The following SNX25 variants were observed in gnomAD, a reference collection of about 807,000 sequenced individuals.
SNX25 encodes sorting nexin 25, also known as sorting nexin-25.
A neutral mutation model predicts 113.7 loss-of-function variants in SNX25; 62 were observed. The observed-to-expected ratio is 0.55, with a 90% CI of 0.44 to 0.67. The LOEUF (loss-of-function observed/expected upper bound fraction) is 0.67. SNX25 is among the 30% of genes least tolerant of loss of function. SNX25 has a pLI of 0.00. For missense variants in SNX25, 1,014 were observed against 1,161.0 expected (o/e 0.87, Z 1.84); for synonymous variants, 421 against 436.2 (o/e 0.97, Z 0.43).
chr4:185,268,706 T>C (rs776784003), intron 5 of SNX25, among the ~76,000 whole-genome samples: 45 of 152,204 alleles, frequency 3.0e-4, no homozygotes, highest in Non-Finnish European at 4.7e-4. Context: ...TCATGCTGTT[T>C]AATTTTCTGA....
At chr4:185,256,318 T>G (rs1283714335) in intron 2 of SNX25, among the ~76,000 whole-genome samples, 1 of 152,214 alleles carries the variant, frequency 6.6e-6, no homozygotes, top group African/African-American at 2.4e-5. Flanking sequence ...TGTCATTGTT[T>G]GTGAACAAAA....
intron 1 of SNX25, among the ~76,000 whole-genome samples, chr4:185,224,442 T>A (rs1421606202): frequency 1.2e-4 from 8 of 66,086 alleles, no homozygotes; most frequent in African/African-American, 4.8e-4. Flanking sequence ...TATATAGATA[T>A]ATAAATATAT....
At chr4:185,255,952 G>A (rs1162404246) in intron 2 of SNX25, among the ~76,000 whole-genome samples, 1 of 152,192 alleles carries the variant, frequency 6.6e-6, no homozygotes, top group East Asian at 1.9e-4. Flanking sequence ...TAATGGAATA[G>A]TACCATTAGG....
intron 1 of SNX25, among the ~76,000 whole-genome samples, chr4:185,223,987 C>A (rs1418644587): frequency 6.6e-6 from 1 of 152,168 alleles, no homozygotes; most frequent in Non-Finnish European, 1.5e-5. Flanking sequence ...CTTCACTTTA[C>A]CAGTTTCCAC....
intron 9 of SNX25, among the ~76,000 whole-genome samples, chr4:185,331,435 A>G (rs966622179): frequency 6.6e-6 from 1 of 152,226 alleles, no homozygotes; most frequent in Non-Finnish European, 1.5e-5. Context: ...AAATGAATAC[A>G]AAGTATGAAA....
At chr4:185,225,946 C>T (rs961949954) in intron 1 of SNX25, among the ~76,000 whole-genome samples, 3 of 152,174 alleles carry the variant, frequency 2.0e-5, no homozygotes, top group African/African-American at 7.2e-5. Context: ...TGGCCTGATT[C>T]AGATTTAAAA....
At chr4:185,307,789 T>G (rs1459797259) in intron 6 of SNX25, among the ~76,000 whole-genome samples, 1 of 152,166 alleles carries the variant, frequency 6.6e-6, no homozygotes, top group African/African-American at 2.4e-5. Flanking sequence ...ATTTATTTAT[T>G]TTGCTCTGCT....
chr4:185,326,427 A>G (rs923182230), intron 9 of SNX25, among the ~76,000 whole-genome samples: 2 of 152,186 alleles, frequency 1.3e-5, no homozygotes, highest in Non-Finnish European at 2.9e-5. Flanking sequence ...CACCTTCTAA[A>G]GAGGACCAAA....
chr4:185,257,937 A>G (rs1475358245), intron 2 of SNX25, among the ~76,000 whole-genome samples: 2 of 152,220 alleles, frequency 1.3e-5, no homozygotes, highest in Non-Finnish European at 2.9e-5. Flanking sequence ...GACAGAAACC[A>G]CACTGTAATT....
chr4:185,238,147 G>T (rs1398341896), intron 1 of SNX25, among the ~76,000 whole-genome samples: 1 of 151,402 alleles, frequency 6.6e-6, no homozygotes, highest in Non-Finnish European at 1.5e-5. Flanking sequence ...TCCTTGTCAG[G>T]CCCCTATCAT....
intron 5 of SNX25, among the ~76,000 whole-genome samples, chr4:185,277,150 G>A (rs781467131): frequency 2.0e-5 from 3 of 152,040 alleles, no homozygotes; most frequent in Admixed American, 6.6e-5. Flanking sequence ...TCAGCCTCCC[G>A]AGTAGCTGGG....
chr4:185,362,039 A>G lies in SNX25; in HGVS notation c.2767A>G (p.Arg923Gly), dbSNP rs141889307. The G allele has an allele frequency of 7.7e-5, 125 of 1,614,142 alleles. No individual in the cohort carries two copies. The highest frequency in any genetic ancestry group is 9.2e-5 in the Non-Finnish European group (109 of 1,179,990). Residue 923 changes from arginine to glycine, a missense_variant, in exon 17 of 19, where the codon AGA becomes GGA. Coordinates refer to ENST00000652585, the MANE Select transcript of SNX25 (RefSeq NM_001378034.2). ...NGKLAPPTTI[R>G]SKEQSQETKQ... The stretch of plus-strand genomic sequence containing the variant: ...GAAGTTGGCACCACCGACCACAATC[A>G]GAAGCAAAGAGCAAAGTCAGGAAAC...
At chr4:185,356,002 G>A (rs1206133541) in intron 15 of SNX25, among the ~76,000 whole-genome samples, 2 of 152,212 alleles carry the variant, frequency 1.3e-5, no homozygotes, top group African/African-American at 4.8e-5. Flanking sequence ...GAACATATTC[G>A]GTTTTGCTAG....
At position 185,209,978 on chromosome 4, in the gene SNX25, C is replaced by T. The variant is rs1737476337; in HGVS notation, c.152C>T (p.Ala51Val). 2 of 983,476 alleles carry T rather than the reference C, an allele frequency of 2.0e-6. No homozygotes were observed. The highest frequency in any genetic ancestry group is 3.5e-5 in the African/African-American group (2 of 56,996). 60.9% of individuals were successfully genotyped at this position (983,476 alleles called of 1,614,324 possible). A position where few individuals can be genotyped will look rare whatever the true frequency, so the allele number is the denominator to read the frequency against. Reference protein sequence around the residue: ...AEAAAAAAPGAPGGRSWWKPV... With the variant: ...AEAAAAAAPGVPGGRSWWKPV... ...GCAGCAGCAGCGGCGGCGCCGGGGG[C>T]CCCGGGCGGCCGGAGCTGGTGGAAG... Residue 51 changes from alanine to valine, a missense_variant, in exon 1 of 19, where the codon GCC (alanine) becomes GTC (valine). By Grantham distance (64) the Ala-to-Val change is moderately conservative. Coordinates refer to ENST00000652585, the MANE Select transcript of SNX25 (RefSeq NM_001378034.2). The surrounding 1 kb of genome is among the most constrained non-coding windows in gnomAD (Gnocchi z 5.2).
At chr4:185,349,024 A>T (rs543073195) in intron 13 of SNX25, among the ~76,000 whole-genome samples, 2 of 152,134 alleles carry the variant, frequency 1.3e-5, no homozygotes, top group African/African-American at 4.8e-5. Context: ...TGTTGTTGCA[A>T]TTGACAGGAT....
chr4:185,372,553 G>C (rs1479024008), downstream of SNX25, among the ~76,000 whole-genome samples: 4 of 152,194 alleles, frequency 2.6e-5, no homozygotes. Flanking sequence ...TACTGCTATG[G>C]TTTGACTAGT....
chr4:185,218,188 G>A (rs948415026), intron 1 of SNX25, among the ~76,000 whole-genome samples: 1 of 152,180 alleles, frequency 6.6e-6, no homozygotes, highest in African/African-American at 2.4e-5. Flanking sequence ...GGGTTCAAGT[G>A]ATTCTCCTGC....
intron 2 of SNX25, among the ~76,000 whole-genome samples, chr4:185,252,871 A>G (rs1200340242): frequency 6.6e-6 from 1 of 152,256 alleles, no homozygotes; most frequent in Non-Finnish European, 1.5e-5. Flanking sequence ...TAAATGGCAC[A>G]CTTGAGGAAA....
At chr4:185,241,349 G>A (rs1289865465) in intron 1 of SNX25, among the ~76,000 whole-genome samples, 32 of 151,828 alleles carry the variant, frequency 2.1e-4, no homozygotes, top group African/African-American at 7.2e-4. Flanking sequence ...GTGGCGGCGC[G>A]CGCCTGCAAT....
Sources: gnomAD v4.1 joint callset for allele counts (sites outside exome capture counted in the v4.1 genomes callset) on GRCh38, gnomAD v4.1.1 for gene constraint, Gnocchi (gnomAD v3.1) non-coding constraint, MANE v1.5 for transcripts, NCBI Gene and HGNC (gene_info 2026-07-23, HGNC 2026-07-21) for gene names.